RAB3D: variants seen among roughly 807,000 people sequenced by gnomAD.
RAB3D encodes RAB3D, member RAS oncogene family.
Under a neutral mutation model 19.3 loss-of-function variants are expected in RAB3D, and 17 were observed. The ratio of observed to expected loss-of-function variants is 0.88; its 90% CI spans 0.60 to 1.32. The LOEUF (loss-of-function observed/expected upper bound fraction) is 1.32, where lower values mean the gene tolerates loss of function less well. Ranked by LOEUF, RAB3D falls within the 40% of genes most tolerant of loss-of-function variation. The pLI is 0.00. For synonymous variants in RAB3D, 103 were observed against 119.9 expected, an observed-to-expected ratio of 0.86 and a Z score of 0.92; for missense variants, 223 against 299.1, an observed-to-expected ratio of 0.75 and a Z score of 1.88.
chr19:11,334,526 T>C (rs1185495098), intron 4 of RAB3D, among the ~76,000 whole-genome samples: 2 of 151,700 alleles, frequency 1.3e-5, no homozygotes, highest in Non-Finnish European at 2.9e-5. Flanking sequence ...TGGTGGCTCA[T>C]GCCTGCAATC....
chr19:11,334,946 A>G (rs543802476), intron 4 of RAB3D, among the ~76,000 whole-genome samples: 2 of 151,828 alleles, frequency 1.3e-5, no homozygotes, highest in South Asian at 2.1e-4. Context: ...AAACCTGGGA[A>G]GCGGAGCTTG....
At chr19:11,332,968 G>A (rs1470218887) in intron 4 of RAB3D, among the ~76,000 whole-genome samples, 1 of 151,788 alleles carries the variant, frequency 6.6e-6, no homozygotes. Context: ...GAAAAGGCTA[G>A]AAATAATCTC....
intron 4 of RAB3D, among the ~76,000 whole-genome samples, chr19:11,327,880 C>A (rs549883432): frequency 3.3e-5 from 5 of 152,038 alleles, no homozygotes; most frequent in African/African-American, 9.6e-5. Context: ...TTTTGGATGT[C>A]ATTCAATAGA....
In RAB3D at chr19:11,322,650, C is replaced by T. The variant is rs530068722; in HGVS notation, c.*2748G>A. ...TCACCCCCCAAATCATTCAATGTAA[C>T]ATTTGCCTTATTTTTAGAAGAAACA... is the stretch of plus-strand genomic sequence containing the variant. On this transcript the variant is annotated 3_prime_UTR_variant, in exon 5 of 5. Coordinates refer to ENST00000222120, the MANE Select transcript of RAB3D (RefSeq NM_004283.4). 6 of 152,318 alleles carry T rather than the reference C, an allele frequency of 3.9e-5. No individual in the cohort carries two copies. In the East Asian group the frequency reaches 9.6e-4, roughly 24 times the overall value. 9.4% of individuals were successfully genotyped at this position (152,318 alleles called of 1,614,324 possible).
chr19:11,334,688 G>C (rs1365926831), intron 4 of RAB3D, among the ~76,000 whole-genome samples: 1 of 152,188 alleles, frequency 6.6e-6, no homozygotes, highest in African/African-American at 2.4e-5. Context: ...ACTTTGGGAG[G>C]CCAAGGCGGG....
At chr19:11,329,439 C>G (rs977734668) in intron 4 of RAB3D, among the ~76,000 whole-genome samples, 4 of 151,526 alleles carry the variant, frequency 2.6e-5, no homozygotes, top group Admixed American at 1.3e-4. Flanking sequence ...GAAACCCCAT[C>G]TCTACTAAAA....
chr19:11,325,005 A>C lies in RAB3D; in HGVS notation c.*393T>G. The C allele has an allele frequency of 6.3e-6, 1 of 159,312 alleles. No homozygotes were observed. Among genetic ancestry groups the C allele is most frequent in the Non-Finnish European group, 1.4e-5 (1 of 71,842 alleles). The allele number at this position is 159,312 out of a possible 1,614,324, so 9.9% of individuals were successfully genotyped here. On this transcript the variant is annotated 3_prime_UTR_variant, in exon 5 of 5. Coordinates refer to ENST00000222120, the MANE Select transcript of RAB3D (RefSeq NM_004283.4). ...TGAACCATCTTCCACCAGCTTGGGA[A>C]TATCAGTCCTGCCCAACCCAGAAGA... is the stretch of plus-strand genomic sequence containing the variant.
At chr19:11,329,569 T>C (rs2080828661) in intron 4 of RAB3D, among the ~76,000 whole-genome samples, 3 of 149,718 alleles carry the variant, frequency 2.0e-5, no homozygotes, top group Admixed American at 2.0e-4. Context: ...ATTGTGCCAC[T>C]GCACTCCAGC....
At chr19:11,326,095 G>A (rs201247277) in intron 4 of RAB3D, among the ~76,000 whole-genome samples, 26 of 151,922 alleles carry the variant, frequency 1.7e-4, no homozygotes, top group South Asian at 8.3e-4. Context: ...GGTGGCACGC[G>A]TCTGTAATCC....
In RAB3D at chr19:11,335,526, G is replaced by C; in HGVS notation, c.393C>G (p.Ile131Met). 2 of 1,614,178 alleles carry C rather than the reference G, an allele frequency of 1.2e-6. No individual in the cohort carries two copies. Among genetic ancestry groups the C allele is most frequent in the Non-Finnish European group, 1.7e-6 (2 of 1,180,038 alleles). Residue 131 changes from isoleucine to methionine, a missense_variant, in exon 4 of 5, where the codon ATC becomes ATG. Physicochemically the swap from Ile to Met is conservative, Grantham distance 10. Transcript: ENST00000222120. The part of the protein sequence containing the change: ...KTYSWDNAQV[I>M]LVGNKCDLED... Reference sequence around the variant, plus strand: ...CCAGGTCACACTTGTTCCCCACCAGGATGACCTGGGCGTTGTCCCAGGAGT... The same window carrying C: ...CCAGGTCACACTTGTTCCCCACCAGCATGACCTGGGCGTTGTCCCAGGAGT...
rs753462943 is a variant in RAB3D at position 11,325,436 on chromosome 19, C to G, written c.622G>C (p.Asp208His). Residue 208 changes from aspartate (D) to histidine (H), a missense_variant, in exon 5 of 5, where the codon GAT (aspartate) becomes CAT (histidine). Coordinates refer to ENST00000222120, the MANE Select transcript of RAB3D (RefSeq NM_004283.4). ...GSNGKGPAVG[D>H]APAPQPSSCS... is the part of the protein sequence containing the mutation. ...CTGCTGGGCTGGGGGGCTGGAGCAT[C>G]CCCCACGGCCGGGCCTTTCCCGTTG... The G allele has an allele frequency of 1.2e-6, 2 of 1,606,648 alleles. No homozygotes were observed. Among genetic ancestry groups the G allele is most frequent in the Admixed American group, 1.7e-5 (1 of 59,944 alleles).
intron 4 of RAB3D, 38 bp from the exon 5 acceptor site, chr19:11,325,623 C>A (rs777758770): frequency 7.0e-7 from 1 of 1,423,340 alleles, no homozygotes. Context: ...CGTAAGACCC[C>A]TGAGGGCAGA....
chr19:11,333,581 C>T (rs1162921347), intron 4 of RAB3D, among the ~76,000 whole-genome samples: 1 of 152,092 alleles, frequency 6.6e-6, no homozygotes, highest in Non-Finnish European at 1.5e-5. Flanking sequence ...TGGGTTATTG[C>T]CTTAGTCTCT....
intron 4 of RAB3D, among the ~76,000 whole-genome samples, chr19:11,328,275 A>C (rs1437111779): frequency 6.8e-6 from 1 of 146,378 alleles, no homozygotes; most frequent in Non-Finnish European, 1.5e-5. Context: ...CGGAGGTTGC[A>C]GTGAGCCGAG....
At chr19:11,334,498 C>T (rs903901589) in intron 4 of RAB3D, among the ~76,000 whole-genome samples, 1 of 151,580 alleles carries the variant, frequency 6.6e-6, no homozygotes, top group Non-Finnish European at 1.5e-5. Flanking sequence ...CCATAAAGAA[C>T]ATCCCCTTGG....
In RAB3D at chr19:11,323,578, G is replaced by C. The variant is rs771375377; in HGVS notation, c.*1820C>G. On this transcript the variant is annotated 3_prime_UTR_variant, in exon 5 of 5. Transcript: ENST00000222120. ...CGCACTCCAGCCTGGGCAATAGAGC[G>C]AGACTCTGTATCAAAAAAACAAATG... The C allele has an allele frequency of 2.6e-5, 4 of 152,000 alleles. No homozygotes were observed. Among genetic ancestry groups the C allele is most frequent in the Non-Finnish European group, 5.9e-5 (4 of 68,020 alleles). 9.4% of individuals were successfully genotyped at this position (152,000 alleles called of 1,614,324 possible).
intron 4 of RAB3D, among the ~76,000 whole-genome samples, chr19:11,327,188 G>A (rs1045121792): frequency 8.5e-5 from 13 of 152,214 alleles, no homozygotes; most frequent in Admixed American, 6.5e-4. Flanking sequence ...GCCCATGGCT[G>A]TACCCAGTGC....
chr19:11,325,707 T>A, intron 4 of RAB3D, 122 bp from the exon 5 acceptor site: 2 of 870,716 alleles, frequency 2.3e-6, no homozygotes, highest in Non-Finnish European at 1.8e-6. Flanking sequence ...GGGACCTTGG[T>A]TGTGTGCCTT....
intron 4 of RAB3D, chr19:11,327,081 A>G (rs1293933418): frequency 1.6e-5 from 7 of 424,510 alleles, no homozygotes; most frequent in Non-Finnish European, 2.9e-5. Flanking sequence ...GTCATGCTGA[A>G]CTATGAAAAT....
Sources: allele counts gnomAD v4.1 joint callset (sites outside exome capture counted in the v4.1 genomes callset), GRCh38; gene constraint gnomAD v4.1.1; transcripts MANE v1.5; gene names NCBI Gene and HGNC (gene_info 2026-07-23, HGNC 2026-07-21).